Variants in ARPC4 observed in about 807,000 individuals in gnomAD.
The protein encoded by ARPC4 is actin-related protein 2/3 complex subunit 4.
ARPC4 carries 3 observed loss-of-function variants against 22.8 expected under a neutral mutation model. The ratio of observed to expected loss-of-function variants is 0.13; its 90% CI spans 0.06 to 0.34. The LOEUF (loss-of-function observed/expected upper bound fraction) is 0.34. Among genes scored for constraint, ARPC4 ranks in the 10% least tolerant of loss-of-function variants. The probability of loss-of-function intolerance (pLI) is 1.00; values close to 1 mark genes in which losing one functional copy is unlikely to be tolerated. For synonymous variants in ARPC4, 80 were observed against 72.5 expected (o/e 1.10, Z -0.52); for missense variants, 98 against 211.0 (o/e 0.46, Z 3.32).
At chr3:9,793,738 T>C (rs539088054) in intron 1 of ARPC4, among the ~76,000 whole-genome samples, 1 of 150,302 alleles carries the variant, frequency 6.7e-6, no homozygotes, top group Non-Finnish European at 1.5e-5. Context: ...CCCTTTTTCA[T>C]ACATGTGGGC....
chr3:9,802,281 A>G (rs1445576025), intron 4 of ARPC4, among the ~76,000 whole-genome samples: 3 of 150,172 alleles, frequency 2.0e-5, no homozygotes, highest in Admixed American at 6.6e-5. Context: ...GATAAGACAC[A>G]TTGCTTATTC....
At chr3:9,793,154 C>T (rs1409260750) in intron 1 of ARPC4, 30 bp downstream of exon 1, 4 of 1,537,010 alleles carry the variant, frequency 2.6e-6, no homozygotes, top group East Asian at 2.5e-5. Flanking sequence ...GGCCAGGGAC[C>T]CCCGGCTGTT....
At chr3:9,793,068 T>A, upstream of ARPC4, 1 of 1,545,174 alleles carries the variant, frequency 6.5e-7, no homozygotes, top group Middle Eastern at 1.7e-4. Context: ...AGGGCAGGCA[T>A]CGCGGGGCTG....
At chr3:9,792,550 G>A (rs892552212), upstream of ARPC4, 15 of 1,227,168 alleles carry the variant, frequency 1.2e-5, no homozygotes, top group Admixed American at 8.5e-5. Flanking sequence ...TTTGCCGGGG[G>A]TGGGAAGAAG....
chr3:9,800,529 GTTC>G (rs2078986161), intron 3 of ARPC4, among the ~76,000 whole-genome samples: 1 of 152,026 alleles, frequency 6.6e-6, no homozygotes, highest in South Asian at 2.1e-4. Flanking sequence ...GGTTCAAGCA[GTTC>G]TTCTGTCTCA....
chr3:9,805,177 A>G (rs1239759422), intron 5 of ARPC4, among the ~76,000 whole-genome samples: 3 of 152,224 alleles, frequency 2.0e-5, no homozygotes, highest in Non-Finnish European at 4.4e-5. Flanking sequence ...CTCACTCAAC[A>G]ATCATTTACT....
At chr3:9,794,923 T>G (rs1446418586) in intron 1 of ARPC4, among the ~76,000 whole-genome samples, 2 of 152,328 alleles carry the variant, frequency 1.3e-5, no homozygotes, top group Middle Eastern at 3.4e-3. Context: ...TCAACCATGT[T>G]GTGTGTATCA....
At chr3:9,793,312 C>T in intron 1 of ARPC4, 188 bp downstream of exon 1, 2 of 1,176,448 alleles carry the variant, frequency 1.7e-6, no homozygotes, top group South Asian at 3.2e-5. Flanking sequence ...AGTGGGGGTA[C>T]TCCCTGGTAT....
At chr3:9,800,146 C>T (rs762414639) in intron 2 of ARPC4, 39 bp from the exon 3 acceptor site, 9 of 1,606,196 alleles carry the variant, frequency 5.6e-6, no homozygotes, top group Non-Finnish European at 6.0e-6. Flanking sequence ...CTATTCTATC[C>T]CTCTGTAGTA....
chr3:9,798,089 T>G (rs2078933106), intron 2 of ARPC4: 1 of 241,556 alleles, frequency 4.1e-6, no homozygotes, highest in Non-Finnish European at 8.0e-6. Flanking sequence ...GGTCAGATAA[T>G]TGTTATCTGA....
intron 3 of ARPC4, 75 bp downstream of exon 3, chr3:9,800,371 A>G: frequency 7.2e-7 from 1 of 1,397,464 alleles, no homozygotes; most frequent in Non-Finnish European, 1.0e-6. Flanking sequence ...CGGGGTCCCC[A>G]TCTGAGAGAT....
intron 4 of ARPC4, chr3:9,803,455 C>T (rs573622321): frequency 6.5e-6 from 3 of 459,522 alleles, no homozygotes; most frequent in Non-Finnish European, 1.3e-5. Flanking sequence ...CCACAGCCCT[C>T]CAGCAGAAAA....
chr3:9,794,266 G>T lies in ARPC4; in HGVS notation c.3+1142G>T, dbSNP rs150441704. 9.1e-3 allele frequency among the ~76,000 whole-genome samples: 1,387 copies of T among 152,304 alleles called. 22 individuals are homozygous for T. The highest frequency in any genetic ancestry group is 0.031 in the African/African-American group (1,269 of 41,534). Reference sequence around the variant, plus strand: ...TGTAATCCCAGCACTTTGGGAGGCAGAGGCGGGCGGATCACGACGTCAGGA... The same window carrying T: ...TGTAATCCCAGCACTTTGGGAGGCATAGGCGGGCGGATCACGACGTCAGGA... On this transcript the variant is annotated intron_variant, in intron 1 of 5. Coordinates refer to ENST00000397261, the MANE Select transcript of ARPC4 (RefSeq NM_005718.5).
intron 1 of ARPC4, 111 bp downstream of exon 1, chr3:9,793,235 G>A (rs928003388): frequency 6.2e-6 from 9 of 1,457,662 alleles, no homozygotes; most frequent in Middle Eastern, 1.9e-4. Flanking sequence ...GGATGTCCGG[G>A]GGTTGTGGGG....
At chr3:9,798,040 T>G (rs2078932010) in intron 2 of ARPC4, 1 of 350,534 alleles carries the variant, frequency 2.9e-6, no homozygotes, top group Admixed American at 4.4e-5. Flanking sequence ...ATGAAGTCTC[T>G]CCTGTGGCAT....
chr3:9,796,000 G>T (rs1162770476), intron 1 of ARPC4, among the ~76,000 whole-genome samples: 3 of 152,186 alleles, frequency 2.0e-5, no homozygotes, highest in African/African-American at 7.2e-5. Flanking sequence ...CATGGCTGAG[G>T]CAGGTGAATC....
At chr3:9,803,345 C>T (rs1460509158) in intron 4 of ARPC4, among the ~76,000 whole-genome samples, 4 of 152,186 alleles carry the variant, frequency 2.6e-5, no homozygotes, top group Admixed American at 1.3e-4. Flanking sequence ...ACACGTCAGG[C>T]GTGTTAGCCA....
chr3:9,796,625 G>A (rs1473486875), intron 1 of ARPC4, among the ~76,000 whole-genome samples: 1 of 152,100 alleles, frequency 6.6e-6, no homozygotes, highest in Non-Finnish European at 1.5e-5. Flanking sequence ...AGTGCAGCTA[G>A]AAGCTAATCC....
chr3:9,799,240 A>G (rs185475652), intron 2 of ARPC4, among the ~76,000 whole-genome samples: 28 of 152,318 alleles, frequency 1.8e-4, no homozygotes, highest in African/African-American at 6.0e-4. Context: ...CCTCTAAGAC[A>G]GGTGTTCTCT....
Sources: gnomAD v4.1 joint callset for allele counts (sites outside exome capture counted in the v4.1 genomes callset) on GRCh38, gnomAD v4.1.1 for gene constraint, MANE v1.5 for transcripts, NCBI Gene and HGNC (gene_info 2026-07-23, HGNC 2026-07-21) for gene names.